JMJD1C: variants seen among roughly 807,000 people sequenced by gnomAD.
JMJD1C encodes jumonji domain containing 1C.
In JMJD1C, 31 loss-of-function variants were observed where a neutral mutation model predicts 245.3. The ratio of observed to expected loss-of-function variants is 0.13; its 90% CI spans 0.09 to 0.17. The LOEUF is 0.17. Among genes scored for constraint, JMJD1C ranks in the 10% least tolerant of loss-of-function variants. The pLI is 1.00. For synonymous variants in JMJD1C, 1,057 were observed against 1,017.4 expected (o/e 1.04, Z -0.74); for missense variants, 2,691 against 3,000.2 (o/e 0.90, Z 2.41).
At chr10:63,279,943 A>G (rs1056746478) in intron 2 of JMJD1C, among the ~76,000 whole-genome samples, 2 of 151,278 alleles carry the variant, frequency 1.3e-5, no homozygotes, top group Admixed American at 6.6e-5. Flanking sequence ...TCAGGTCAGG[A>G]GCTCAAGACC....
chr10:63,468,831 T>C (rs1309696198), upstream of JMJD1C, among the ~76,000 whole-genome samples: 2 of 152,168 alleles, frequency 1.3e-5, no homozygotes, highest in Non-Finnish European at 2.9e-5. Context: ...TAAAAACAGC[T>C]TGGGCTGGAT....
chr10:63,420,100 C>T (rs1490607139), intron 1 of JMJD1C, among the ~76,000 whole-genome samples: 2 of 151,360 alleles, frequency 1.3e-5, no homozygotes, highest in Non-Finnish European at 2.9e-5. Context: ...CACGCCACTG[C>T]ACTCCAGCCT....
At chr10:63,361,240 T>C (rs549910613) in intron 2 of JMJD1C, among the ~76,000 whole-genome samples, 2 of 152,230 alleles carry the variant, frequency 1.3e-5, no homozygotes, top group East Asian at 3.9e-4. Flanking sequence ...CTGGCCAACA[T>C]GGCGAAACCC....
At chr10:63,169,688 G>A (rs1842172909) in intron 24 of JMJD1C, among the ~76,000 whole-genome samples, 1 of 152,140 alleles carries the variant, frequency 6.6e-6, no homozygotes, top group African/African-American at 2.4e-5. Context: ...TGGTAGCATA[G>A]TAAAGTAAAC....
At position 63,194,686 on chromosome 10, in the gene JMJD1C, A is replaced by G. The variant is rs1030822992; in HGVS notation, c.5645-311T>C. 5 of 235,674 alleles carry G rather than the reference A, an allele frequency of 2.1e-5. No individual in the cohort carries two copies. In the South Asian group the frequency reaches 3.4e-4, roughly 16 times the overall value. 14.6% of individuals were successfully genotyped at this position (235,674 alleles called of 1,614,324 possible). A position where few individuals can be genotyped will look rare whatever the true frequency, so the allele number is the denominator to read the frequency against. On this transcript the variant is annotated intron_variant, in intron 13 of 25. Transcript: ENST00000399262. ...ATTAGTGACCTCTATCTTTGTAGCT[A>G]ATCTTCTATCTCTTAGCTGTTTTCT... is the stretch of plus-strand genomic sequence containing the variant.
intron 3 of JMJD1C, among the ~76,000 whole-genome samples, chr10:63,225,061 G>GA (rs949966704): frequency 1.2e-4 from 17 of 146,768 alleles, no homozygotes; most frequent in East Asian, 8.0e-4. Context: ...ACTCTGTCTC[G>GA]AAAAAAAAAG....
chr10:63,255,221 T>C (rs1375303863), intron 3 of JMJD1C, among the ~76,000 whole-genome samples: 1 of 152,210 alleles, frequency 6.6e-6, no homozygotes, highest in African/African-American at 2.4e-5. Flanking sequence ...TCACTTTCTC[T>C]GCCTACCACA....
chr10:63,401,190 C>T (rs1948831827), intron 1 of JMJD1C, among the ~76,000 whole-genome samples: 1 of 152,074 alleles, frequency 6.6e-6, no homozygotes, highest in South Asian at 2.1e-4. Context: ...AACTTCAGGT[C>T]AATTTTTTTT....
intron 10 of JMJD1C, chr10:63,204,813 C>T: frequency 2.0e-6 from 2 of 985,372 alleles, no homozygotes; most frequent in Non-Finnish European, 2.4e-6. Flanking sequence ...TTCTATGATT[C>T]CATCCTCCTG....
chr10:63,185,737 G>C (rs1268530673), intron 19 of JMJD1C, 84 bp from the exon 20 acceptor site: 9 of 794,562 alleles, frequency 1.1e-5, no homozygotes, highest in Non-Finnish European at 1.9e-5. Context: ...GTAAATGAAT[G>C]AATGATTTGA....
At chr10:63,368,246 C>T (rs1302080597) in intron 2 of JMJD1C, among the ~76,000 whole-genome samples, 2 of 152,172 alleles carry the variant, frequency 1.3e-5, no homozygotes, top group Non-Finnish European at 2.9e-5. Context: ...AATATATATA[C>T]TGTCCTGGGA....
At position 63,330,660 on chromosome 10, in the gene JMJD1C, G is replaced by A. The variant is rs933041874; in HGVS notation, c.333+49658C>T. Among the ~76,000 whole-genome samples the A allele has an allele frequency of 1.8e-4, 28 of 151,530 alleles. 1 individual carries two copies. Among genetic ancestry groups the A allele is most frequent in the Non-Finnish European group, 2.9e-5 (2 of 67,964 alleles). ...TTCTCTTCTTAGGATTATTTCTATT[G>A]TTTAGCCTACCTATATCTCATTTGT... On this transcript the variant is annotated intron_variant, in intron 2 of 25. Coordinates refer to ENST00000399262, the MANE Select transcript of JMJD1C (RefSeq NM_032776.3).
chr10:63,469,418 C>T (rs1158308880), upstream of JMJD1C, among the ~76,000 whole-genome samples: 2 of 152,100 alleles, frequency 1.3e-5, no homozygotes. Context: ...AACAAAGGCT[C>T]CCTGCTATTA....
At chr10:63,412,482 A>G (rs566497119) in intron 1 of JMJD1C, among the ~76,000 whole-genome samples, 2 of 152,342 alleles carry the variant, frequency 1.3e-5, no homozygotes, top group Admixed American at 6.5e-5. Context: ...AACTACTCAC[A>G]TGGAGATGTC....
At chr10:63,222,741 A>T in intron 3 of JMJD1C, 1 of 1,526,494 alleles carries the variant, frequency 6.6e-7, no homozygotes, top group Non-Finnish European at 9.1e-7. Context: ...ATAGGATTTA[A>T]TGGTTGCTCA....
intron 8 of JMJD1C, among the ~76,000 whole-genome samples, chr10:63,210,692 G>A (rs1268163333): frequency 2.6e-5 from 4 of 152,134 alleles, no homozygotes; most frequent in Non-Finnish European, 4.4e-5. Context: ...AATGACGTGA[G>A]AGTGAAGGGT....
intron 3 of JMJD1C, among the ~76,000 whole-genome samples, chr10:63,258,626 C>T (rs1489653343): frequency 6.6e-6 from 1 of 152,210 alleles, no homozygotes; most frequent in Non-Finnish European, 1.5e-5. Context: ...CCACCAACCA[C>T]CCCACCAACC....
chr10:63,475,334 T>A (rs1953626428), intron 1 of JMJD1C, among the ~76,000 whole-genome samples: 1 of 152,204 alleles, frequency 6.6e-6, no homozygotes, highest in South Asian at 2.1e-4. Flanking sequence ...AGCCTTCAAT[T>A]TGGTCTACAT....
At chr10:63,240,296 T>C (rs975979485) in intron 3 of JMJD1C, among the ~76,000 whole-genome samples, 2 of 151,650 alleles carry the variant, frequency 1.3e-5, no homozygotes, top group Non-Finnish European at 2.9e-5. Context: ...AAAAATCACA[T>C]AAACACTAAA....
Sources: gnomAD v4.1 joint callset for allele counts (sites outside exome capture counted in the v4.1 genomes callset) on GRCh38, gnomAD v4.1.1 for gene constraint, MANE v1.5 for transcripts, NCBI Gene and HGNC (gene_info 2026-07-23, HGNC 2026-07-21) for gene names.